Variants in CNTNAP2 observed in about 807,000 individuals in gnomAD.
CNTNAP2 encodes contactin associated protein 2, also known as contactin-associated protein-like 2.
In CNTNAP2, 98 loss-of-function variants were observed where a neutral mutation model predicts 155.2. The observed-to-expected ratio is 0.63, with a 90% CI of 0.54 to 0.75. The LOEUF (loss-of-function observed/expected upper bound fraction) is 0.75. Among genes scored for constraint, CNTNAP2 ranks in the 30% least tolerant of loss-of-function variants. The pLI, the probability that CNTNAP2 is intolerant of heterozygous loss-of-function variation, is 0.00. For synonymous variants in CNTNAP2, 651 were observed against 631.2 expected, an observed-to-expected ratio of 1.03 and a Z score of -0.47; for missense variants, 1,727 against 1,688.1, an observed-to-expected ratio of 1.02 and a Z score of -0.40.
chr7:147,326,415 A>G (rs548101876), intron 9 of CNTNAP2, among the ~76,000 whole-genome samples: 24 of 152,316 alleles, frequency 1.6e-4, no homozygotes, highest in South Asian at 8.3e-4. Context: ...GTATGTGTCT[A>G]TCACATCTTG....
intron 16 of CNTNAP2, among the ~76,000 whole-genome samples, chr7:148,136,010 A>AG: frequency 2.0e-5 from 1 of 49,314 alleles, no homozygotes; most frequent in Admixed American, 2.3e-4. Context: ...GAAGGAAGGA[A>AG]GGAAGGAAGG....
intron 2 of CNTNAP2, among the ~76,000 whole-genome samples, chr7:146,824,090 T>C (rs574172220): frequency 2.6e-4 from 39 of 152,122 alleles, no homozygotes; most frequent in Non-Finnish European, 4.9e-4. Flanking sequence ...CCTGTGTCCA[T>C]CTGTTCTCAT....
At chr7:147,504,973 C>T (rs757086354) in intron 11 of CNTNAP2, among the ~76,000 whole-genome samples, 1 of 151,962 alleles carries the variant, frequency 6.6e-6, no homozygotes, top group Non-Finnish European at 1.5e-5. Flanking sequence ...CTGATGCAAA[C>T]TTTAGCAAGT....
At chr7:147,944,586 G>A (rs73743663) in intron 14 of CNTNAP2, among the ~76,000 whole-genome samples, 6,886 of 152,132 alleles carry the variant, frequency 0.045, 521 homozygotes, top group African/African-American at 0.16. Flanking sequence ...TGTCTGTTTC[G>A]CCAGTATTTT....
intron 13 of CNTNAP2, among the ~76,000 whole-genome samples, chr7:147,769,924 A>G (rs1054928576): frequency 6.6e-6 from 1 of 152,168 alleles, no homozygotes; most frequent in Non-Finnish European, 1.5e-5. Flanking sequence ...AGTACACGTA[A>G]ATCACTTAGT....
chr7:146,508,723 A>G lies in CNTNAP2; in HGVS notation c.98-265548A>G, dbSNP rs553508989. Among the ~76,000 whole-genome samples, 229 of 152,312 alleles carry G rather than the reference A, an allele frequency of 1.5e-3. 1 individual carries two copies. The highest frequency in any genetic ancestry group is 5.3e-3 in the African/African-American group (222 of 41,582). On this transcript the variant is annotated intron_variant, in intron 1 of 23. Coordinates refer to ENST00000361727, the MANE Select transcript of CNTNAP2 (RefSeq NM_014141.6). The stretch of plus-strand genomic sequence containing the variant: ...TTGAGCTGGAGCATCTGGGTGGGAC[A>G]TGGTCAAGCAGCATCATCCCGCCCG...
intron 8 of CNTNAP2, among the ~76,000 whole-genome samples, chr7:147,225,756 AAGGAAGGAAG>A (rs1803508600): frequency 1.0e-5 from 1 of 99,580 alleles, no homozygotes; most frequent in Non-Finnish European, 2.0e-5. Flanking sequence ...GGAAGGAAGG[AAGGAAGGAAG>A]GAAGGAAGGA....
chr7:147,076,617 T>C (rs765470231), intron 4 of CNTNAP2, among the ~76,000 whole-genome samples: 5 of 152,216 alleles, frequency 3.3e-5, no homozygotes, highest in Admixed American at 6.5e-5. Context: ...TTTAATCTGC[T>C]GCATTTTTAT....
Position 148,379,842 on chromosome 7 carries a change from G to A in CNTNAP2, c.3476-3807G>A, listed in dbSNP as rs569247933. Among the ~76,000 whole-genome samples, 19 of 152,322 alleles carry A rather than the reference G, an allele frequency of 1.2e-4. No individual in the cohort carries two copies. In the South Asian group the frequency reaches 3.9e-3, roughly 32 times the overall value. The stretch of plus-strand genomic sequence containing the variant: ...CCGTGGAGCTGGCTTTATTCTCCCA[G>A]TGTTTCCTGCTCAGGTGCCCTTTTC... On this transcript the variant is annotated intron_variant, in intron 21 of 23. Transcript: ENST00000361727.
intron 8 of CNTNAP2, among the ~76,000 whole-genome samples, chr7:147,259,943 C>A (rs1301682204): frequency 1.3e-5 from 2 of 152,186 alleles, no homozygotes; most frequent in Non-Finnish European, 2.9e-5. Flanking sequence ...GTGCTTATAG[C>A]TGTAACTGAG....
At chr7:146,464,517 G>A (rs1397706301) in intron 1 of CNTNAP2, among the ~76,000 whole-genome samples, 1 of 152,074 alleles carries the variant, frequency 6.6e-6, no homozygotes, top group Non-Finnish European at 1.5e-5. Flanking sequence ...ACCCATTAGA[G>A]GTGTAGATGG....
intron 21 of CNTNAP2, among the ~76,000 whole-genome samples, chr7:148,298,074 A>G (rs1047774516): frequency 2.6e-5 from 4 of 152,244 alleles, no homozygotes; most frequent in Non-Finnish European, 5.9e-5. Flanking sequence ...ACAGGAAAAG[A>G]AAAGTAACTG....
At chr7:146,617,081 G>T (rs1302350552) in intron 1 of CNTNAP2, among the ~76,000 whole-genome samples, 4 of 152,120 alleles carry the variant, frequency 2.6e-5, no homozygotes, top group African/African-American at 9.7e-5. Context: ...GTGCAGTGGC[G>T]CGATCTCCGC....
intron 8 of CNTNAP2, among the ~76,000 whole-genome samples, chr7:147,279,603 C>A (rs1804983020): frequency 6.6e-6 from 1 of 151,602 alleles, no homozygotes; most frequent in Non-Finnish European, 1.5e-5. Context: ...TTATTAAGTG[C>A]CTAGTTAAAG....
intron 1 of CNTNAP2, among the ~76,000 whole-genome samples, chr7:146,225,907 T>A (rs1230391190): frequency 6.6e-6 from 1 of 152,252 alleles, no homozygotes; most frequent in East Asian, 1.9e-4. Context: ...TTTTCAGCTC[T>A]TTCACTCTTT....
chr7:146,347,932 A>C (rs771024897), intron 1 of CNTNAP2, among the ~76,000 whole-genome samples: 1 of 152,154 alleles, frequency 6.6e-6, no homozygotes, highest in Non-Finnish European at 1.5e-5. Flanking sequence ...TGAACTTCGG[A>C]AATTCTAAGA....
At chr7:147,550,579 T>C (rs1799832493) in intron 11 of CNTNAP2, among the ~76,000 whole-genome samples, 1 of 152,098 alleles carries the variant, frequency 6.6e-6, no homozygotes. Flanking sequence ...CTAAATACAC[T>C]GAGCATGAGT....
At chr7:147,251,376 T>A (rs1804193876) in intron 8 of CNTNAP2, among the ~76,000 whole-genome samples, 2 of 152,142 alleles carry the variant, frequency 1.3e-5, no homozygotes, top group African/African-American at 4.8e-5. Flanking sequence ...CCTTTTTTCC[T>A]ATCTCCTTTA....
chr7:147,169,859 C>T (rs1802191453), intron 8 of CNTNAP2, among the ~76,000 whole-genome samples: 1 of 152,124 alleles, frequency 6.6e-6, no homozygotes, highest in East Asian at 1.9e-4. Context: ...TGCTTGGTTT[C>T]CTTGAATTGA....
Sources: allele counts gnomAD v4.1 joint callset (sites outside exome capture counted in the v4.1 genomes callset), GRCh38; gene constraint gnomAD v4.1.1; transcripts MANE v1.5; gene names NCBI Gene and HGNC (gene_info 2026-07-23, HGNC 2026-07-21).